PER2: variants seen among roughly 807,000 people sequenced by gnomAD.
PER2 encodes the protein period circadian regulator 2.
A neutral mutation model predicts 121.0 loss-of-function variants in PER2; 66 were observed. The observed-to-expected ratio is 0.55, with a 90% CI of 0.45 to 0.67. PER2 has a LOEUF of 0.67. Ranked by LOEUF, PER2 falls within the 30% of genes least tolerant of loss-of-function variation. The pLI is 0.00. For missense variants in PER2, 1,521 were observed against 1,635.0 expected (o/e 0.93, Z 1.20); for synonymous variants, 684 against 659.9 (o/e 1.04, Z -0.56).
chr2:238,292,361 C>T (rs1231488805), upstream of PER2, among the ~76,000 whole-genome samples: 1 of 152,174 alleles, frequency 6.6e-6, no homozygotes, highest in East Asian at 1.9e-4. Flanking sequence ...GTGTGCAGTC[C>T]CCATCTTTCT....
chr2:238,273,756 C>G (rs1696367105), intron 4 of PER2, among the ~76,000 whole-genome samples: 1 of 152,188 alleles, frequency 6.6e-6, no homozygotes, highest in Admixed American at 6.5e-5. Flanking sequence ...ACCTCCACCT[C>G]CCAGGGGTTC....
chr2:238,283,481 G>A (rs893318180), intron 1 of PER2, among the ~76,000 whole-genome samples: 1 of 152,248 alleles, frequency 6.6e-6, no homozygotes, highest in African/African-American at 2.4e-5. Context: ...ACCAGAGGAA[G>A]AACATTCTAG....
rs138121985 is a variant in PER2 at position 238,260,903 on chromosome 2, C to T, written c.1467G>A (p.Gly489=). Residue 489 remains glycine, a synonymous_variant, in exon 13 of 23, where the codon GGG becomes GGA. Transcript: ENST00000254657. ...SSGYGSLGSN[G]SHEHLMSQTS... The stretch of plus-strand genomic sequence containing the variant: ...TCTGGCTCATAAGGTGCTCGTGGGA[C>T]CCGTTGCTGCCCAGACTCCCGTAGC... 4.1e-4 allele frequency: 667 copies of T among 1,613,666 alleles called. 3 individuals are homozygous for T. The highest frequency in any genetic ancestry group is 2.4e-4 in the Non-Finnish European group (286 of 1,180,016).
chr2:238,296,864 C>T, the PER2 span, among the ~76,000 whole-genome samples: 30 of 152,344 alleles, frequency 2.0e-4, no homozygotes, highest in Admixed American at 1.2e-3. Context: ...GCTGGGCTCA[C>T]GTGGTTGATG....
In PER2 at chr2:238,255,786, C is replaced by A. The variant is rs1000089190; in HGVS notation, c.2191G>T (p.Ala731Ser). The A allele has an allele frequency of 6.2e-6, 10 of 1,614,022 alleles. No individual in the cohort carries two copies. The highest frequency in any genetic ancestry group is 5.3e-5 in the African/African-American group (4 of 74,902). ...TGCTCCTCCTTCTGTGTGTGTGCAG[C>A]GAGTACCTCCTTGGTGAGGCCCAGC... ...KKLGLTKEVL[A>S]AHTQKEEQSF... Residue 731 changes from alanine (A) to serine (S), a missense_variant, in exon 18 of 23, where the codon GCT (alanine) becomes TCT (serine). Physicochemically the swap from Ala to Ser is moderately conservative, Grantham distance 99. Transcript: ENST00000254657.
intron 8 of PER2, 22 bp from the exon 9 acceptor site, chr2:238,265,612 C>A: frequency 7.2e-7 from 1 of 1,395,830 alleles, no homozygotes; most frequent in African/African-American, 1.4e-5. Flanking sequence ...GAATATTGCA[C>A]ACATTTGTGA....
At position 238,244,379 on chromosome 2, in the gene PER2, C is replaced by T. The variant is rs1350642153; in HGVS notation, c.*1996G>A. 4 of 152,574 alleles carry T rather than the reference C, an allele frequency of 2.6e-5. No individual in the cohort carries two copies. The highest frequency in any genetic ancestry group is 5.9e-5 in the Non-Finnish European group (4 of 68,038). 9.5% of individuals were successfully genotyped at this position (152,574 alleles called of 1,614,324 possible). On this transcript the variant is annotated 3_prime_UTR_variant, in exon 23 of 23. Transcript: ENST00000254657. ...ATCCTATTAAGTCAACTGCTTGGCA[C>T]GCGCTGAAGCTACAGTTAACAATCA... is the stretch of plus-strand genomic sequence containing the variant.
At chr2:238,277,610 A>G in intron 2 of PER2, 97 bp downstream of exon 2, 4 of 1,387,278 alleles carry the variant, frequency 2.9e-6, no homozygotes, top group Non-Finnish European at 4.0e-6. Context: ...CTTGGTAATC[A>G]TGATTTAAAG....
chr2:238,281,007 T>C (rs1696612762), intron 1 of PER2, among the ~76,000 whole-genome samples: 1 of 94,796 alleles, frequency 1.1e-5, no homozygotes, highest in African/African-American at 3.5e-5. Flanking sequence ...ATGTTTACAC[T>C]TTTTTTTTTT....
rs1267048026 is a variant in PER2 at position 238,256,915 on chromosome 2, G to A, written c.2065+7C>T. Reference sequence around the variant, plus strand: ...CTGCTCTCTGATCCAAGAGCCCATAGTCATACCTAACTCCGGCTGCGGCTT... The same window carrying A: ...CTGCTCTCTGATCCAAGAGCCCATAATCATACCTAACTCCGGCTGCGGCTT... On this transcript the variant is annotated splice_region_variant and intron_variant, in intron 17 of 22. Coordinates refer to ENST00000254657, the MANE Select transcript of PER2 (RefSeq NM_022817.3). 6.2e-7 allele frequency: 1 copy of A among 1,613,402 alleles called. No homozygotes were observed. Among genetic ancestry groups the A allele is most frequent in the African/African-American group, 1.3e-5 (1 of 74,928 alleles).
chr2:238,255,780 G>A lies in PER2; in HGVS notation c.2197C>T (p.His733Tyr). The change falls in exon 18 of 23, where the codon CAC (histidine) becomes TAC (tyrosine). Residue 733 changes from histidine (H) to tyrosine (Y), a missense_variant. Physicochemically the swap from His to Tyr is moderately conservative, Grantham distance 83 (BLOSUM62 2). Coordinates refer to ENST00000254657, the MANE Select transcript of PER2 (RefSeq NM_022817.3). ...AAGCTCTGCTCCTCCTTCTGTGTGT[G>A]TGCAGCGAGTACCTCCTTGGTGAGG... ...LGLTKEVLAAHTQKEEQSFLQ... is the reference protein window; with the variant it reads ...LGLTKEVLAAYTQKEEQSFLQ... The A allele has an allele frequency of 6.2e-7, 1 of 1,614,168 alleles. No homozygotes were observed. Among genetic ancestry groups the A allele is most frequent in the East Asian group, 2.2e-5 (1 of 44,874 alleles).
At chr2:238,287,011 G>A (rs1294636833) in intron 1 of PER2, among the ~76,000 whole-genome samples, 3 of 152,166 alleles carry the variant, frequency 2.0e-5, no homozygotes, top group Non-Finnish European at 4.4e-5. Flanking sequence ...CCAAAAACCT[G>A]GGAATTAAAG....
upstream of PER2, among the ~76,000 whole-genome samples, chr2:238,294,553 C>T (rs1028378900): frequency 2.6e-5 from 4 of 152,220 alleles, no homozygotes; most frequent in Admixed American, 2.6e-4. Context: ...TCACGCTTGG[C>T]GCTTGGCACA....
intron 6 of PER2, among the ~76,000 whole-genome samples, chr2:238,269,812 T>C (rs1696230803): frequency 6.6e-6 from 1 of 152,274 alleles, no homozygotes; most frequent in Non-Finnish European, 1.5e-5. Context: ...CCACAGCAGC[T>C]ATATCTTGGA....
At position 238,275,216 on chromosome 2, in the gene PER2, C is replaced by T. The variant is rs992214313; in HGVS notation, c.448+527G>A. On this transcript the variant is annotated intron_variant, in intron 4 of 22. Transcript: ENST00000254657. ...TGCATGTGCGCAACACATGAAAAGG[C>T]ACAGCTCCACAGTCGGGAGGTGCTC... Among the ~76,000 whole-genome samples the T allele has an allele frequency of 2.0e-5, 3 of 152,186 alleles. No homozygotes were observed. The East Asian group carries it at 5.8e-4, about 29-fold the overall frequency.
In PER2 at chr2:238,249,054, G is replaced by A. The variant is rs1695525224; in HGVS notation, c.3618+8C>T. ...GGCCATATCAGAAATCGAGTCCCGT[G>A]AGCTTACTGCCACGTCGATGGCTGC... On this transcript the variant is annotated splice_region_variant and intron_variant, in intron 22 of 22. Coordinates refer to ENST00000254657, the MANE Select transcript of PER2 (RefSeq NM_022817.3). 6.2e-7 allele frequency: 1 copy of A among 1,613,914 alleles called. No individual in the cohort carries two copies. The highest frequency in any genetic ancestry group is 8.5e-7 in the Non-Finnish European group (1 of 1,179,882).
rs765956250 is a variant in PER2 at position 238,251,636 on chromosome 2, G to A, written c.3237C>T (p.Ser1079=). 117 of 1,614,074 alleles carry A rather than the reference G, an allele frequency of 7.2e-5. No individual in the cohort carries two copies. Among genetic ancestry groups the A allele is most frequent in the East Asian group, 1.1e-4 (5 of 44,904 alleles). Reference sequence around the variant, plus strand: ...GGGAGGCGTCGCAGCCCAGTGAGCCGGAGCCCAGAGACTCCGAAGCAGCAG... The same window carrying A: ...GGGAGGCGTCGCAGCCCAGTGAGCCAGAGCCCAGAGACTCCGAAGCAGCAG... ...SGSAASESLG[S]GSLGCDASPS... Residue 1079 remains serine (S), a synonymous_variant, in exon 20 of 23, where the codon TCC becomes TCT. Coordinates refer to ENST00000254657, the MANE Select transcript of PER2 (RefSeq NM_022817.3).
In PER2 at chr2:238,255,363, T is replaced by C. The variant is rs577255124; in HGVS notation, c.2320+294A>G. On this transcript the variant is annotated intron_variant, in intron 18 of 22. Coordinates refer to ENST00000254657, the MANE Select transcript of PER2 (RefSeq NM_022817.3). ...CGTCCAGGTGGGGCCCCTGCCCACATGGTTACTCAGGCAAGAAATGTGGAC... is the reference window on the plus strand; with the variant it reads ...CGTCCAGGTGGGGCCCCTGCCCACACGGTTACTCAGGCAAGAAATGTGGAC... 166 of 496,316 alleles carry C rather than the reference T, an allele frequency of 3.3e-4. 1 individual carries two copies. The highest frequency in any genetic ancestry group is 3.1e-3 in the African/African-American group (159 of 51,632). The allele number at this position is 496,316 out of a possible 1,614,324, so 30.7% of individuals were successfully genotyped here. A position where few individuals can be genotyped will look rare whatever the true frequency, so the allele number is the denominator to read the frequency against.
intron 4 of PER2, among the ~76,000 whole-genome samples, chr2:238,273,765 T>TGAA (rs1696367827): frequency 1.3e-5 from 2 of 152,104 alleles, no homozygotes; most frequent in African/African-American, 2.4e-5. Flanking sequence ...TCCCAGGGGT[T>TGAA]CAAGCAATTC....
Sources: allele counts gnomAD v4.1 joint callset (sites outside exome capture counted in the v4.1 genomes callset), GRCh38; gene constraint gnomAD v4.1.1; transcripts MANE v1.5; gene names NCBI Gene and HGNC (gene_info 2026-07-23, HGNC 2026-07-21).